Variants in GPHN observed in about 807,000 individuals in gnomAD.
GPHN encodes gephyrin.
A neutral mutation model predicts 95.5 loss-of-function variants in GPHN; 17 were observed. The observed-to-expected ratio is 0.18, with a 90% CI of 0.12 to 0.27. The LOEUF (loss-of-function observed/expected upper bound fraction) is 0.27. Ranked by LOEUF, GPHN falls within the 10% of genes least tolerant of loss-of-function variation. The pLI is 1.00. For missense variants in GPHN, 660 were observed against 978.1 expected (o/e 0.67, Z 4.34); for synonymous variants, 320 against 322.5 (o/e 0.99, Z 0.08).
the GPHN span, among the ~76,000 whole-genome samples, chr14:67,631,975 A>G: frequency 0.088 from 13,351 of 152,206 alleles, 641 homozygotes; most frequent in Middle Eastern, 0.18. Flanking sequence ...CATGGGCTCA[A>G]GTGATTCTTC....
the GPHN span, among the ~76,000 whole-genome samples, chr14:67,226,996 A>G: frequency 6.6e-6 from 1 of 152,218 alleles, no homozygotes; most frequent in Non-Finnish European, 1.5e-5. Flanking sequence ...ATTTCTTTCA[A>G]GATAACTCAA....
At chr14:67,572,044 C>T in the GPHN span, 138 of 1,496,474 alleles carry the variant, frequency 9.2e-5, no homozygotes, top group Non-Finnish European at 1.2e-4. Context: ...GAGACCGGGT[C>T]CCGGGTGGGT....
At chr14:66,748,551 G>A (rs574788417) in intron 2 of GPHN, among the ~76,000 whole-genome samples, 8 of 151,854 alleles carry the variant, frequency 5.3e-5, no homozygotes, top group Non-Finnish European at 1.0e-4. Flanking sequence ...ATACTTTATA[G>A]TAGGATTCAC....
chr14:67,392,436 A>G, the GPHN span: 5 of 1,593,102 alleles, frequency 3.1e-6, no homozygotes, highest in African/African-American at 2.7e-5. Flanking sequence ...GCCTAGGGGG[A>G]AGGAGGGAGC....
At chr14:66,875,326 A>G (rs573521427) in intron 4 of GPHN, among the ~76,000 whole-genome samples, 1 of 152,334 alleles carries the variant, frequency 6.6e-6, no homozygotes, top group Non-Finnish European at 1.5e-5. Context: ...AAGACCATCG[A>G]CACTGTGAAG....
chr14:66,537,582 AT>A (rs919469104), intron 1 of GPHN, among the ~76,000 whole-genome samples: 2 of 152,132 alleles, frequency 1.3e-5, no homozygotes, highest in South Asian at 2.1e-4. Context: ...AAACCACATA[AT>A]TTTTTTGTAA....
At chr14:66,875,128 C>A (rs1282856450) in intron 4 of GPHN, among the ~76,000 whole-genome samples, 1 of 152,132 alleles carries the variant, frequency 6.6e-6, no homozygotes, top group East Asian at 1.9e-4. Context: ...AAAGAATTTT[C>A]AACTCAGAAT....
At chr14:67,312,756 G>T in the GPHN span, 1 of 1,347,450 alleles carries the variant, frequency 7.4e-7, no homozygotes, top group Non-Finnish European at 9.8e-7. Context: ...AAAGAACATT[G>T]AAAATGCAAG....
chr14:67,196,237 A>G, the GPHN span, among the ~76,000 whole-genome samples: 1 of 111,910 alleles, frequency 8.9e-6, no homozygotes, highest in African/African-American at 3.6e-5. Context: ...TTTTTTTTTG[A>G]TGGAGTTTTG....
chr14:67,130,505 T>A (rs1223128614), intron 17 of GPHN, among the ~76,000 whole-genome samples: 1 of 152,200 alleles, frequency 6.6e-6, no homozygotes, highest in African/African-American at 2.4e-5. Context: ...ACTTTTTTTT[T>A]ATCCAGTCCA....
chr14:67,285,642 A>G, the GPHN span, among the ~76,000 whole-genome samples: 1 of 152,170 alleles, frequency 6.6e-6, no homozygotes, highest in Non-Finnish European at 1.5e-5. Context: ...TACTGGGATT[A>G]CAGGTGTGAG....
chr14:67,079,621 A>G (rs1387695510), intron 11 of GPHN, among the ~76,000 whole-genome samples: 3 of 152,120 alleles, frequency 2.0e-5, no homozygotes, highest in Non-Finnish European at 4.4e-5. Context: ...TGTGGTGGTA[A>G]AAACACAACA....
the GPHN span, among the ~76,000 whole-genome samples, chr14:67,541,018 T>C: frequency 2.4e-4 from 36 of 152,316 alleles, no homozygotes; most frequent in Middle Eastern, 6.8e-3. Context: ...TGTGGCTTTC[T>C]CCAGAGGTTG....
At chr14:67,603,067 G>GTTTTGT in the GPHN span, among the ~76,000 whole-genome samples, 1 of 151,494 alleles carries the variant, frequency 6.6e-6, no homozygotes, top group Non-Finnish European at 1.5e-5. Flanking sequence ...TTTCTTTCTG[G>GTTTTGT]TTTGTTTTGT....
chr14:67,263,849 T>A, the GPHN span, among the ~76,000 whole-genome samples: 2 of 111,912 alleles, frequency 1.8e-5, no homozygotes, highest in Non-Finnish European at 3.1e-5. Flanking sequence ...ACCATTTAAA[T>A]AATTGTTCTG....
the GPHN span, among the ~76,000 whole-genome samples, chr14:67,242,237 A>G: frequency 0.02 from 3,051 of 152,280 alleles, 47 homozygotes; most frequent in Non-Finnish European, 0.03. Context: ...TGTGTACGGA[A>G]TGTAGGTTTC....
chr14:67,674,606 C>G, the GPHN span: 6 of 779,744 alleles, frequency 7.7e-6, no homozygotes, highest in Non-Finnish European at 1.1e-5. Context: ...ACCACCGCCG[C>G]CCAGGACGAG....
At chr14:67,382,241 T>C in the GPHN span, among the ~76,000 whole-genome samples, 1 of 151,836 alleles carries the variant, frequency 6.6e-6, no homozygotes, top group Non-Finnish European at 1.5e-5. Context: ...ATTAGATCCC[T>C]GTGTTGATTT....
the GPHN span, among the ~76,000 whole-genome samples, chr14:67,341,947 G>A: frequency 6.6e-6 from 1 of 151,760 alleles, no homozygotes; most frequent in African/African-American, 2.4e-5. Context: ...GATTAAGGGC[G>A]GTGCAAGATG....
Sources: gnomAD v4.1 joint callset for allele counts (sites outside exome capture counted in the v4.1 genomes callset) on GRCh38, gnomAD v4.1.1 for gene constraint, MANE v1.5 for transcripts, NCBI Gene and HGNC (gene_info 2026-07-23, HGNC 2026-07-21) for gene names.